The following ESCO2 variants were observed in gnomAD, a reference collection of about 807,000 sequenced individuals.
The protein encoded by ESCO2 is establishment of sister chromatid cohesion N-acetyltransferase 2, also known as N-acetyltransferase ESCO2.
A neutral mutation model predicts 61.7 loss-of-function variants in ESCO2; 51 were observed. That is an observed-to-expected ratio of 0.83 (90% CI 0.66 to 1.04). The LOEUF (loss-of-function observed/expected upper bound fraction) is 1.04, where lower values mean the gene tolerates loss of function less well. Ranked by LOEUF, ESCO2 falls within the 50% of genes least tolerant of loss-of-function variation. ESCO2 has a pLI of 0.00. For synonymous variants in ESCO2, 230 were observed against 238.2 expected, an observed-to-expected ratio of 0.97 and a Z score of 0.32; for missense variants, 692 against 686.2, an observed-to-expected ratio of 1.01 and a Z score of -0.09.
chr8:27,789,211 T>C (rs1159137109), intron 7 of ESCO2, among the ~76,000 whole-genome samples: 1 of 152,178 alleles, frequency 6.6e-6, no homozygotes, highest in Non-Finnish European at 1.5e-5. Context: ...CACTATAGTG[T>C]TGTCTTTATA....
At position 27,795,060 on chromosome 8, in the gene ESCO2, G is replaced by GCCA. The variant is rs1234840335; in HGVS notation, c.1497+2250_1497+2252dup. 3.3e-5 allele frequency among the ~76,000 whole-genome samples: 5 copies of GCCA among 152,296 alleles called. No homozygotes were observed. The East Asian group carries it at 9.6e-4, about 29-fold the overall frequency. On this transcript the variant is annotated intron_variant, in intron 9 of 10. Coordinates refer to ENST00000305188, the MANE Select transcript of ESCO2 (RefSeq NM_001017420.3). Reference sequence around the variant, plus strand: ...CTGTTTTTTGTATTTTTGTGGAAATGCCATTAGAATTTTGATAGGGATTGC... The same window carrying GCCA: ...CTGTTTTTTGTATTTTTGTGGAAATGCCACCATTAGAATTTTGATAGGGATTGC...
chr8:27,800,823 T>G (rs924351030), intron 10 of ESCO2, among the ~76,000 whole-genome samples: 1 of 152,186 alleles, frequency 6.6e-6, no homozygotes, highest in Non-Finnish European at 1.5e-5. Flanking sequence ...ATTATGCTAA[T>G]TGAAATAAAT....
At chr8:27,787,780 TAGAA>T (rs1805079182) in intron 5 of ESCO2, 101 bp from the exon 6 acceptor site, 1 of 814,552 alleles carries the variant, frequency 1.2e-6, no homozygotes, top group African/African-American at 1.7e-5. Context: ...TAATGTCAGA[TAGAA>T]AGCACTAAAA....
Position 27,776,948 on chromosome 8 carries a change from A to T in ESCO2, c.640A>T (p.Arg214Ter). ...TLQGGAAFFV[R>*]KKSSLRKSSL... is the part of the protein sequence containing the mutation. ...CCAGGGTGGAGCAGCATTTTTTGTT[A>T]GAAAAAAATCTTCTCTTAGAAAATC... The change falls in exon 3 of 11, where the codon AGA becomes TGA. Residue 214 changes from arginine to a stop codon, truncating the protein, a stop_gained. Transcript: ENST00000305188. LOFTEE classifies it high-confidence loss of function. 1 of 1,613,084 alleles carries T rather than the reference A, an allele frequency of 6.2e-7. No homozygotes were observed. The highest frequency in any genetic ancestry group is 1.7e-4 in the Middle Eastern group (1 of 6,058).
intron 9 of ESCO2, among the ~76,000 whole-genome samples, chr8:27,793,804 A>T (rs1478298185): frequency 6.6e-6 from 1 of 152,056 alleles, no homozygotes; most frequent in Non-Finnish European, 1.5e-5. Context: ...TTTCAAGTAT[A>T]CATTAGCTGC....
downstream of ESCO2, chr8:27,811,259 G>A (rs1805676616): frequency 1.3e-6 from 1 of 752,718 alleles, no homozygotes; most frequent in Non-Finnish European, 2.3e-6. Flanking sequence ...GCCAGAAAAT[G>A]TAAAAATACA....
chr8:27,814,361 G>T (rs1805769219), downstream of ESCO2, among the ~76,000 whole-genome samples: 1 of 152,100 alleles, frequency 6.6e-6, no homozygotes, highest in African/African-American at 2.4e-5. Flanking sequence ...TTAAATGTGT[G>T]TAGAATTTAC....
intron 7 of ESCO2, among the ~76,000 whole-genome samples, chr8:27,791,491 A>G (rs778779186): frequency 1.3e-5 from 2 of 152,226 alleles, no homozygotes; most frequent in Non-Finnish European, 2.9e-5. Flanking sequence ...CCAAAGCACT[A>G]TGCTGGGGGT....
Position 27,803,541 on chromosome 8 carries a change from C to CAT in ESCO2, c.*104_*105insTA. ...TATCAAAATAAAAAATACCGAGACT[C>CAT]ACACTCATACACACACACACACACA... On this transcript the variant is annotated 3_prime_UTR_variant, in exon 11 of 11. Transcript: ENST00000305188. The CAT allele has an allele frequency of 4.1e-6, 6 of 1,449,352 alleles. No homozygotes were observed. The highest frequency in any genetic ancestry group is 3.6e-6 in the Non-Finnish European group (4 of 1,109,060). The allele number at this position is 1,449,352 out of a possible 1,614,324, so 89.8% of individuals were successfully genotyped here.
At chr8:27,797,531 G>A (rs538523541) in intron 9 of ESCO2, among the ~76,000 whole-genome samples, 1 of 150,030 alleles carries the variant, frequency 6.7e-6, no homozygotes, top group East Asian at 2.1e-4. Flanking sequence ...TGTCTTGATT[G>A]GCAAACATAT....
chr8:27,791,104 A>T (rs945273540), intron 7 of ESCO2, among the ~76,000 whole-genome samples: 1 of 152,224 alleles, frequency 6.6e-6, no homozygotes, highest in South Asian at 2.1e-4. Context: ...AAAAAATCTT[A>T]GTATAACTTA....
intron 3 of ESCO2, chr8:27,777,831 T>C (rs1239885778): frequency 2.6e-5 from 4 of 152,222 alleles, no homozygotes; most frequent in Non-Finnish European, 5.9e-5. Context: ...ACAACCCTTG[T>C]AGCTGGAGAA....
intron 5 of ESCO2, 93 bp downstream of exon 5, chr8:27,784,150 G>T (rs1009857126): frequency 8.2e-7 from 1 of 1,217,142 alleles, no homozygotes; most frequent in Non-Finnish European, 1.2e-6. Flanking sequence ...AATTTGGGGA[G>T]TTTTTTTTTC....
At chr8:27,788,682 G>T (rs184665837) in intron 6 of ESCO2, among the ~76,000 whole-genome samples, 165 bp from the exon 7 acceptor site, 3 of 152,074 alleles carry the variant, frequency 2.0e-5, no homozygotes, top group East Asian at 3.9e-4. Flanking sequence ...TTTTGTCTTG[G>T]GGGAGGGAAG....
Position 27,804,200 on chromosome 8 carries a change from T to C in ESCO2, c.*762T>C. ...GAATTTGATAGCTTAGTGTTCAATC[T>C]TTTTGAAAATAAATGTTTACCTGTC... is the stretch of plus-strand genomic sequence containing the variant. On this transcript the variant is annotated 3_prime_UTR_variant, in exon 11 of 11. Transcript: ENST00000305188. 1 of 985,364 alleles carries C rather than the reference T, an allele frequency of 1.0e-6. No individual in the cohort carries two copies. 61.0% of individuals were successfully genotyped at this position (985,364 alleles called of 1,614,324 possible).
chr8:27,777,040 T>C lies in ESCO2; in HGVS notation c.732T>C (p.Ser244=), dbSNP rs764226665. 1.4e-5 allele frequency: 22 copies of C among 1,610,904 alleles called. No homozygotes were observed. Among genetic ancestry groups the C allele is most frequent in the Non-Finnish European group, 1.8e-5 (21 of 1,179,350 alleles). The change falls in exon 3 of 11, where the codon TCT becomes TCC. Residue 244 remains serine (S), a synonymous_variant. Transcript: ENST00000305188. ...GTAAATCAGAAGTCATTGAAGATTC[T>C]GATGTAGAGACTGTCAGTGAAAAAA... is the stretch of plus-strand genomic sequence containing the variant. ...QKSKSEVIED[S]DVETVSEKKT...
intron 9 of ESCO2, among the ~76,000 whole-genome samples, chr8:27,795,350 TGA>T (rs1805271226): frequency 4.6e-5 from 7 of 152,320 alleles, no homozygotes; most frequent in Admixed American, 1.3e-4. Flanking sequence ...GAAACACTAC[TGA>T]CTTTTGTATG....
chr8:27,784,123 T>C (rs987668459), intron 5 of ESCO2, 66 bp downstream of exon 5: 1 of 1,488,960 alleles, frequency 6.7e-7, no homozygotes, highest in Non-Finnish European at 9.4e-7. Flanking sequence ...GGTCTCTTTT[T>C]CAGTCTCATG....
Position 27,803,658 on chromosome 8 carries a change from C to A in ESCO2, c.*220C>A. ...TTATCTGGGGATTCAAAGGAAAAAT[C>A]TTTGGGTGATTCCCTGATTAGCACT... On this transcript the variant is annotated 3_prime_UTR_variant, in exon 11 of 11. Coordinates refer to ENST00000305188, the MANE Select transcript of ESCO2 (RefSeq NM_001017420.3). 1 of 1,338,536 alleles carries A rather than the reference C, an allele frequency of 7.5e-7. No homozygotes were observed. Among genetic ancestry groups the A allele is most frequent in the South Asian group, 1.9e-5 (1 of 53,730 alleles). 82.9% of individuals were successfully genotyped at this position (1,338,536 alleles called of 1,614,324 possible). A position where few individuals can be genotyped will look rare whatever the true frequency, so the allele number is the denominator to read the frequency against.
Sources: gnomAD v4.1 joint callset for allele counts (sites outside exome capture counted in the v4.1 genomes callset) on GRCh38, gnomAD v4.1.1 for gene constraint, MANE v1.5 for transcripts, NCBI Gene and HGNC (gene_info 2026-07-23, HGNC 2026-07-21) for gene names.